DCLRE1C: variants seen among roughly 807,000 people sequenced by gnomAD.
The protein encoded by DCLRE1C is protein artemis.
Under a neutral mutation model 61.4 loss-of-function variants are expected in DCLRE1C, and 47 were observed. The ratio of observed to expected loss-of-function variants is 0.77; its 90% confidence interval spans 0.61 to 0.98. DCLRE1C has a LOEUF of 0.98. DCLRE1C is among the 50% of genes least tolerant of loss of function. DCLRE1C has a pLI of 0.00. For missense variants in DCLRE1C, 858 were observed against 816.0 expected, an observed-to-expected ratio of 1.05 and a Z score of -0.63; for synonymous variants, 337 against 287.6, an observed-to-expected ratio of 1.17 and a Z score of -1.74.
intron 5 of DCLRE1C, among the ~76,000 whole-genome samples, chr10:14,936,138 C>T (rs976466290): frequency 3.3e-5 from 5 of 152,034 alleles, no homozygotes; most frequent in African/African-American, 1.2e-4. Flanking sequence ...AAGTGATGCA[C>T]CTGCCTTGGC....
intron 13 of DCLRE1C, among the ~76,000 whole-genome samples, chr10:14,910,896 A>G (rs1308219248): frequency 1.3e-5 from 2 of 152,238 alleles, no homozygotes; most frequent in Non-Finnish European, 2.9e-5. Context: ...GATGAGTCCT[A>G]TGATTGCCTG....
At chr10:14,898,327 T>C (rs1438555310) in exon 14 of DCLRE1C, 1 of 147,086 alleles carries the variant, frequency 6.8e-6, no homozygotes, top group Non-Finnish European at 1.5e-5. Context: ...GATTCAAAGC[T>C]CTAAAATCAG....
At position 14,909,454 on chromosome 10, in the gene DCLRE1C, A is replaced by G. The variant is rs1426800707; in HGVS notation, c.1157-124T>C. 27 of 830,134 alleles carry G rather than the reference A, an allele frequency of 3.3e-5. No homozygotes were observed. The East Asian group carries it at 6.9e-4, about 21-fold the overall frequency. 51.4% of individuals were successfully genotyped at this position (830,134 alleles called of 1,614,324 possible). ...GGAGGCCACTCTTCTTCAAAGGGAA[A>G]AGATATTCTTGGGATATGCTGAACA... On this transcript the variant is annotated intron_variant, in intron 13 of 13. Transcript: ENST00000378278.
At position 14,908,284 on chromosome 10, in the gene DCLRE1C, A is replaced by G; in HGVS notation, c.*124T>C. 1 of 795,118 alleles carries G rather than the reference A, an allele frequency of 1.3e-6. No homozygotes were observed. The highest frequency in any genetic ancestry group is 1.5e-5 in the South Asian group (1 of 64,708). The allele number at this position is 795,118 out of a possible 1,614,324, so 49.3% of individuals were successfully genotyped here. A position where few individuals can be genotyped will look rare whatever the true frequency, so the allele number is the denominator to read the frequency against. ...TCAAAGTGCTGGGATTACAAGTGTG[A>G]GCCACCACACCCAACCAGGTTATTT... On this transcript the variant is annotated 3_prime_UTR_variant, in exon 14 of 14. Coordinates refer to ENST00000378278, the MANE Select transcript of DCLRE1C (RefSeq NM_001033855.3).
At chr10:14,940,797 T>G (rs981420601) in intron 3 of DCLRE1C, among the ~76,000 whole-genome samples, 1 of 152,248 alleles carries the variant, frequency 6.6e-6, no homozygotes, top group African/African-American at 2.4e-5. Flanking sequence ...ATGAAACATC[T>G]TATTCATGAT....
chr10:14,949,733 T>C (rs546892380), intron 1 of DCLRE1C, among the ~76,000 whole-genome samples: 79 of 152,348 alleles, frequency 5.2e-4, no homozygotes, highest in African/African-American at 1.9e-3. Context: ...ACAACAATGA[T>C]CAAACAGCTC....
chr10:14,927,055 C>A (rs527672219), intron 10 of DCLRE1C, among the ~76,000 whole-genome samples, 158 bp from the exon 11 acceptor site: 1 of 152,326 alleles, frequency 6.6e-6, no homozygotes, highest in African/African-American at 2.4e-5. Flanking sequence ...GGAATTTCTT[C>A]TTGGGATAGC....
At chr10:14,951,845 T>C (rs1281966970) in intron 1 of DCLRE1C, among the ~76,000 whole-genome samples, 4 of 152,210 alleles carry the variant, frequency 2.6e-5, no homozygotes, top group Non-Finnish European at 5.9e-5. Flanking sequence ...TACAGTCGCT[T>C]TGGGGGTTAG....
At chr10:14,909,686 T>A (rs996056780) in intron 13 of DCLRE1C, among the ~76,000 whole-genome samples, 3 of 152,194 alleles carry the variant, frequency 2.0e-5, no homozygotes, top group African/African-American at 7.2e-5. Context: ...AATAATTTGA[T>A]TTTTAAGTTC....
Position 14,937,241 on chromosome 10 carries a change from C to T in DCLRE1C, c.307-648G>A, listed in dbSNP as rs146616327. Among the ~76,000 whole-genome samples the T allele has an allele frequency of 5.8e-3, 868 of 149,404 alleles. 7 individuals carry two copies. The highest frequency in any genetic ancestry group is 0.02 in the African/African-American group (806 of 40,634). ...GAAATTGATTGTGGTGATGGATACACAAGTGTGTGACTCGATTTCTATCTC... is the reference window on the plus strand; with the variant it reads ...GAAATTGATTGTGGTGATGGATACATAAGTGTGTGACTCGATTTCTATCTC... On this transcript the variant is annotated intron_variant, in intron 4 of 13. Coordinates refer to ENST00000378278, the MANE Select transcript of DCLRE1C (RefSeq NM_001033855.3).
intron 1 of DCLRE1C, among the ~76,000 whole-genome samples, chr10:14,950,357 CAAAAAAAA>C (rs1196056427): frequency 8.4e-5 from 6 of 71,276 alleles, no homozygotes; most frequent in African/African-American, 1.4e-4. Context: ...AAATAATAAC[CAAAAAAAA>C]AAAAAAAAAA....
At position 14,905,312 on chromosome 10, in the gene DCLRE1C, G is replaced by A. The variant is rs1253637020; in HGVS notation, c.*3096C>T. ...GACATTTCGCTAGCATAATGTGGAT[G>A]AATACTTCAGAAATTTTTGAGCATT... On this transcript the variant is annotated 3_prime_UTR_variant, in exon 14 of 14. Coordinates refer to ENST00000378278, the MANE Select transcript of DCLRE1C (RefSeq NM_001033855.3). Among the ~76,000 whole-genome samples the A allele has an allele frequency of 2.0e-5, 3 of 152,244 alleles. No homozygotes were observed. The highest frequency in any genetic ancestry group is 4.1e-4 in the South Asian group (2 of 4,834).
At chr10:14,934,054 A>G (rs1839466576) in intron 8 of DCLRE1C, among the ~76,000 whole-genome samples, 3 of 152,120 alleles carry the variant, frequency 2.0e-5, no homozygotes, top group East Asian at 1.9e-4. Context: ...CAGACTGGGA[A>G]CACTGGCTCA....
exon 14 of DCLRE1C, chr10:14,897,585 T>G (rs2131703841): frequency 7.6e-7 from 1 of 1,311,496 alleles, no homozygotes; most frequent in Non-Finnish European, 1.0e-6. Context: ...AATTACCTTT[T>G]TATCTCTTTA....
chr10:14,925,724 A>G (rs557756434), intron 11 of DCLRE1C, among the ~76,000 whole-genome samples: 1 of 152,340 alleles, frequency 6.6e-6, no homozygotes, highest in Admixed American at 6.5e-5. Flanking sequence ...AACACTCGAT[A>G]GGACTTCAGT....
rs78404619 is a variant in DCLRE1C at position 14,899,328 on chromosome 10, A to C, written c.1157-16T>G. 4.6e-5 allele frequency: 32 copies of C among 688,770 alleles called. No homozygotes were observed. The Admixed American group carries it at 5.6e-4, about 12-fold the overall frequency. 42.7% of individuals were successfully genotyped at this position (688,770 alleles called of 1,614,324 possible). ...GAGTGAGACCCTGTTTAAAAAAAAAAGGTCATCAGTCTTTTGCATTATCAT... is the reference window on the plus strand; with the variant it reads ...GAGTGAGACCCTGTTTAAAAAAAAACGGTCATCAGTCTTTTGCATTATCAT... On this transcript the variant is annotated splice_polypyrimidine_tract_variant and intron_variant, in intron 13 of 13. Transcript: ENST00000378289.
chr10:14,943,983 C>T (rs1021015652), intron 3 of DCLRE1C, among the ~76,000 whole-genome samples: 15 of 152,240 alleles, frequency 9.9e-5, no homozygotes, highest in Admixed American at 2.0e-4. Context: ...CAGACTTTTT[C>T]CTCCCCTTGA....
Position 14,953,758 on chromosome 10 carries a change from A to T in DCLRE1C, c.109+144T>A. The T allele has an allele frequency of 7.4e-6, 9 of 1,216,568 alleles. No individual in the cohort carries two copies. The South Asian group carries it at 1.2e-4, about 16-fold the overall frequency. The allele number at this position is 1,216,568 out of a possible 1,614,324, so 75.4% of individuals were successfully genotyped here. A position where few individuals can be genotyped will look rare whatever the true frequency, so the allele number is the denominator to read the frequency against. ...AGATGAAGCCTTTGAGAGGCTGAAGAGCCCGACTGGGACAAGGCGTGTGCT... is the reference window on the plus strand; with the variant it reads ...AGATGAAGCCTTTGAGAGGCTGAAGTGCCCGACTGGGACAAGGCGTGTGCT... On this transcript the variant is annotated intron_variant, in intron 1 of 13. Transcript: ENST00000378278.
At chr10:14,913,837 T>A (rs1835708188) in intron 13 of DCLRE1C, among the ~76,000 whole-genome samples, 1 of 152,146 alleles carries the variant, frequency 6.6e-6, no homozygotes, top group Admixed American at 6.5e-5. Context: ...CAGATTTTGG[T>A]ACTCTTGGGG....
Sources: allele counts gnomAD v4.1 joint callset (sites outside exome capture counted in the v4.1 genomes callset), GRCh38; gene constraint gnomAD v4.1.1; transcripts MANE v1.5; gene names NCBI Gene and HGNC (gene_info 2026-07-23, HGNC 2026-07-21).